MAGI2: variants seen among roughly 807,000 people sequenced by gnomAD.
MAGI2 encodes the protein membrane-associated guanylate kinase, WW and PDZ domain-containing protein 2.
Under a neutral mutation model 133.3 loss-of-function variants are expected in MAGI2, and 35 were observed. The ratio of observed to expected loss-of-function variants is 0.26; its 90% CI spans 0.20 to 0.35. MAGI2 has a LOEUF of 0.35. Ranked by LOEUF, MAGI2 falls within the 10% of genes least tolerant of loss-of-function variation. The pLI, the probability that MAGI2 is intolerant of heterozygous loss-of-function variation, is 1.00. For missense variants in MAGI2, 1,636 were observed against 1,863.4 expected (o/e 0.88, Z 2.25); for synonymous variants, 729 against 710.6 (o/e 1.03, Z -0.41).
intron 2 of MAGI2, among the ~76,000 whole-genome samples, chr7:78,631,869 T>C (rs926538073): frequency 6.6e-6 from 1 of 152,226 alleles, no homozygotes; most frequent in African/African-American, 2.4e-5. Context: ...CAGCCACTTG[T>C]TATCAGTATT....
intron 2 of MAGI2, among the ~76,000 whole-genome samples, chr7:78,741,299 A>G (rs1023137553): frequency 5.3e-5 from 8 of 151,604 alleles, no homozygotes; most frequent in Admixed American, 5.3e-4. Flanking sequence ...CTGGTAGAAG[A>G]AACAGCATGA....
intron 2 of MAGI2, among the ~76,000 whole-genome samples, chr7:78,638,905 C>G (rs1359416965): frequency 6.6e-6 from 1 of 152,084 alleles, no homozygotes; most frequent in African/African-American, 2.4e-5. Flanking sequence ...GATAATGTTT[C>G]AAGATTACAT....
rs772559432 is a variant in MAGI2, at chr7:78,135,102, T to C, written c.2950A>G (p.Ile984Val). The change falls in exon 17 of 22, where the codon ATC becomes GTC. Residue 984 changes from isoleucine to valine, a missense_variant. Ile to Val is a conservative substitution (Grantham distance 29). This residue lies in a region of MAGI2 where 920 missense variants were observed against 1,093.5 expected (regional missense o/e 0.84). Coordinates refer to ENST00000354212, the MANE Select transcript of MAGI2 (RefSeq NM_012301.4). ...RILAVNGQSIINMPHADIVKL... is the reference protein window; with the variant it reads ...RILAVNGQSIVNMPHADIVKL... ...ACGATGTCAGCGTGAGGCATGTTGA[T>C]GATAGACTGGCCATTCACTGCTAGG... 37 of 1,614,050 alleles carry C rather than the reference T, an allele frequency of 2.3e-5. No individual in the cohort carries two copies. The East Asian group carries it at 8.0e-4, about 35-fold the overall frequency.
chr7:79,045,514 G>T (rs1812090969), intron 1 of MAGI2, among the ~76,000 whole-genome samples: 1 of 152,274 alleles, frequency 6.6e-6, no homozygotes, highest in East Asian at 1.9e-4. Flanking sequence ...AAGTTGTAGA[G>T]ATGGCAAACA....
intron 20 of MAGI2, among the ~76,000 whole-genome samples, chr7:78,093,189 G>T (rs550152952): frequency 1.1e-3 from 162 of 149,316 alleles, no homozygotes; most frequent in Non-Finnish European, 1.0e-3. Context: ...GGGGCGTGGT[G>T]GCTCACATCC....
chr7:78,945,815 T>G (rs1801372466), intron 2 of MAGI2, among the ~76,000 whole-genome samples: 1 of 152,224 alleles, frequency 6.6e-6, no homozygotes, highest in Admixed American at 6.5e-5. Flanking sequence ...TTGGCTCACT[T>G]AATAAACTCT....
intron 1 of MAGI2, among the ~76,000 whole-genome samples, chr7:79,389,984 G>A (rs114054294): frequency 0.014 from 2,059 of 152,214 alleles, 40 homozygotes; most frequent in African/African-American, 0.047. Flanking sequence ...AACAGAAACT[G>A]TAGGGTTTTT....
intron 3 of MAGI2, among the ~76,000 whole-genome samples, chr7:78,529,667 G>GTTTTTTTTTTTTTTT (rs1563128653): frequency 1.1e-4 from 6 of 56,318 alleles, no homozygotes; most frequent in African/African-American, 3.9e-4. Context: ...TAAAGGAGAT[G>GTTTTTTTTTTTTTTT]GTTTTTTTTT....
intron 1 of MAGI2, among the ~76,000 whole-genome samples, chr7:79,250,121 G>C (rs999493423): frequency 1.3e-5 from 2 of 151,810 alleles, no homozygotes; most frequent in African/African-American, 4.8e-5. Flanking sequence ...TCAAAAAACT[G>C]GGTATAGAAA....
chr7:78,740,457 T>C (rs1375170419), intron 2 of MAGI2, among the ~76,000 whole-genome samples: 1 of 152,218 alleles, frequency 6.6e-6, no homozygotes, highest in Non-Finnish European at 1.5e-5. Context: ...AGGACTAACA[T>C]TCAAAATCTT....
At chr7:79,354,604 A>C (rs1261221522) in intron 1 of MAGI2, among the ~76,000 whole-genome samples, 1 of 152,152 alleles carries the variant, frequency 6.6e-6, no homozygotes, top group Non-Finnish European at 1.5e-5. Flanking sequence ...GGGGAAGGGA[A>C]GTGTGAGTAC....
At chr7:78,293,943 G>A (rs892321117) in intron 9 of MAGI2, among the ~76,000 whole-genome samples, 6 of 152,092 alleles carry the variant, frequency 3.9e-5, no homozygotes, top group African/African-American at 1.4e-4. Context: ...CATGGTGTTG[G>A]GGGAGGGATA....
intron 1 of MAGI2, among the ~76,000 whole-genome samples, chr7:79,370,359 T>A (rs1356408645): frequency 6.6e-6 from 1 of 152,118 alleles, no homozygotes; most frequent in Non-Finnish European, 1.5e-5. Flanking sequence ...TGCCTATACA[T>A]TCTTTGTGTA....
intron 1 of MAGI2, among the ~76,000 whole-genome samples, chr7:79,144,953 G>T (rs1219988991): frequency 6.6e-6 from 1 of 152,112 alleles, no homozygotes. Flanking sequence ...CTGTGGCTCT[G>T]CACTCACATT....
intron 2 of MAGI2, among the ~76,000 whole-genome samples, chr7:78,836,897 ACTCAGC>A (rs59670031): frequency 0.42 from 63,956 of 151,718 alleles, 14,246 homozygotes; most frequent in East Asian, 0.73. Context: ...TAGAAATTAT[ACTCAGC>A]CTCAGCTGTT....
In MAGI2 at chr7:79,359,669, AACACACACACACAC is replaced by A. The variant is rs59414419; in HGVS notation, c.301+93337_301+93350del. ...ACCAAAAGGAAATGCTCAAGTGGGAAACACACACACACACACACACACACACACACACACACACA... is the reference window on the plus strand; with the variant it reads ...ACCAAAAGGAAATGCTCAAGTGGGAAACACACACACACACACACACACACA... On this transcript the variant is annotated intron_variant, in intron 1 of 21. Transcript: ENST00000354212. 4.2e-3 allele frequency among the ~76,000 whole-genome samples: 583 copies of A among 140,108 alleles called. 5 individuals are homozygous for A. Among genetic ancestry groups the A allele is most frequent in the South Asian group, 0.039 (172 of 4,358 alleles). The allele number at this position is 140,108 out of a possible 152,430, so 91.9% of individuals were successfully genotyped here.
At chr7:79,157,510 T>C (rs999654898) in intron 1 of MAGI2, among the ~76,000 whole-genome samples, 1 of 151,132 alleles carries the variant, frequency 6.6e-6, no homozygotes, top group Non-Finnish European at 1.5e-5. Context: ...CAGCACACAT[T>C]GATCCACCAG....
intron 12 of MAGI2, among the ~76,000 whole-genome samples, chr7:78,194,388 C>CT (rs1232611847): frequency 6.6e-6 from 1 of 152,116 alleles, no homozygotes; most frequent in Non-Finnish European, 1.5e-5. Context: ...TGATTGGCAC[C>CT]TAGATCAGTA....
intron 1 of MAGI2, among the ~76,000 whole-genome samples, chr7:79,024,281 T>A (rs541885461): frequency 6.6e-6 from 1 of 152,112 alleles, no homozygotes; most frequent in African/African-American, 2.4e-5. Context: ...ACTTGCCATA[T>A]GAAGAAGATT....
Sources: gnomAD v4.1 joint callset for allele counts (sites outside exome capture counted in the v4.1 genomes callset) on GRCh38, gnomAD v4.1.1 for gene constraint, gnomAD v4.1.1 regional missense constraint, MANE v1.5 for transcripts, NCBI Gene and HGNC (gene_info 2026-07-23, HGNC 2026-07-21) for gene names.